Variants in F13B observed in about 807,000 individuals in gnomAD.
F13B encodes the protein coagulation factor XIII B chain, also known as TGase.
Under a neutral mutation model 79.8 loss-of-function variants are expected in F13B, and 58 were observed. The observed-to-expected ratio is 0.73, with a 90% CI of 0.59 to 0.90. F13B has a LOEUF of 0.90. Among genes scored for constraint, F13B ranks in the 40% least tolerant of loss-of-function variants. F13B has a pLI of 0.00. For missense variants in F13B, 773 were observed against 777.0 expected, an observed-to-expected ratio of 0.99 and a Z score of 0.06; for synonymous variants, 283 against 260.3, an observed-to-expected ratio of 1.09 and a Z score of -0.84.
intron 11 of F13B, 79 bp from the exon 12 acceptor site, chr1:197,039,490 T>A: frequency 1.8e-6 from 2 of 1,084,928 alleles, no homozygotes; most frequent in Non-Finnish European, 2.8e-6. Flanking sequence ...CCTTTCAATT[T>A]TTCATATAAT....
chr1:197,052,620 C>T lies in F13B; in HGVS notation c.1555+14G>A. 4 of 1,586,136 alleles carry T rather than the reference C, an allele frequency of 2.5e-6. No homozygotes were observed. Among genetic ancestry groups the T allele is most frequent in the Non-Finnish European group, 3.5e-6 (4 of 1,156,946 alleles). On this transcript the variant is annotated intron_variant, in intron 9 of 11. Coordinates refer to ENST00000367412, the MANE Select transcript of F13B (RefSeq NM_001994.3). ...GTCAAGTAAAGATACTTGCAGAGAACATTATTATTTTACCTTTTCTAGTAC... is the reference window on the plus strand; with the variant it reads ...GTCAAGTAAAGATACTTGCAGAGAATATTATTATTTTACCTTTTCTAGTAC...
chr1:197,040,994 G>T (rs528019290), intron 10 of F13B, among the ~76,000 whole-genome samples: 4 of 151,830 alleles, frequency 2.6e-5, no homozygotes, highest in African/African-American at 9.7e-5. Flanking sequence ...AAACTAAAAG[G>T]TATTTTAGTT....
At chr1:197,062,370 A>C (rs1258673321) in intron 2 of F13B, among the ~76,000 whole-genome samples, 1 of 152,146 alleles carries the variant, frequency 6.6e-6, no homozygotes, top group African/African-American at 2.4e-5. Context: ...CCTTCTCACA[A>C]CTTTGAACTC....
chr1:197,051,884 G>C (rs1655453568), intron 9 of F13B, among the ~76,000 whole-genome samples: 1 of 151,880 alleles, frequency 6.6e-6, no homozygotes, highest in Admixed American at 6.6e-5. Context: ...TTTTTTTCTT[G>C]TAAATTTGTG....
intron 4 of F13B, 33 bp from the exon 5 acceptor site, chr1:197,060,575 A>C (rs757309989): frequency 6.9e-7 from 1 of 1,449,828 alleles, no homozygotes; most frequent in Admixed American, 1.8e-5. Context: ...AATTACAAAC[A>C]AATGTTTATT....
In F13B at chr1:197,039,369, C is replaced by T; in HGVS notation, c.*9G>A. ...ATTGAAATATGACTCCTCTTTCTGCCATTCATTTCTATGTTCTTAAGGGTT... is the reference window on the plus strand; with the variant it reads ...ATTGAAATATGACTCCTCTTTCTGCTATTCATTTCTATGTTCTTAAGGGTT... On this transcript the variant is annotated 3_prime_UTR_variant, in exon 12 of 12. Coordinates refer to ENST00000367412, the MANE Select transcript of F13B (RefSeq NM_001994.3). The T allele has an allele frequency of 6.2e-7, 1 of 1,604,816 alleles. No homozygotes were observed. Among genetic ancestry groups the T allele is most frequent in the Non-Finnish European group, 8.5e-7 (1 of 1,173,110 alleles).
At chr1:197,046,248 T>C (rs1655225889) in intron 10 of F13B, among the ~76,000 whole-genome samples, 1 of 152,160 alleles carries the variant, frequency 6.6e-6, no homozygotes, top group Non-Finnish European at 1.5e-5. Flanking sequence ...GATAACATGA[T>C]TATATATTTA....
At chr1:197,048,823 CTT>C (rs17514362) in intron 10 of F13B, among the ~76,000 whole-genome samples, 116,193 of 151,646 alleles carry the variant, frequency 0.77, 48,567 homozygotes, top group East Asian at 0.98. Flanking sequence ...ACAAAGTTAA[CTT>C]TTTTCAAGTA....
At chr1:197,050,960 C>A (rs1016290442) in intron 9 of F13B, 81 bp from the exon 10 acceptor site, 63 of 1,186,204 alleles carry the variant, frequency 5.3e-5, no homozygotes, top group Non-Finnish European at 7.4e-5. Flanking sequence ...GAGACAGAGT[C>A]TCCCTCTGTC....
chr1:197,051,404 C>T (rs989239465), intron 9 of F13B, among the ~76,000 whole-genome samples: 8 of 152,042 alleles, frequency 5.3e-5, no homozygotes, highest in Non-Finnish European at 1.0e-4. Flanking sequence ...TTTCTAGAAG[C>T]CATGATTTCT....
At chr1:197,040,445 G>A (rs1357749702) in intron 11 of F13B, 77 bp downstream of exon 11, 2 of 1,008,352 alleles carry the variant, frequency 2.0e-6, no homozygotes, top group African/African-American at 1.6e-5. Flanking sequence ...GAGTGGTATA[G>A]AACATAACAT....
intron 8 of F13B, 46 bp from the exon 9 acceptor site, chr1:197,052,880 T>C (rs183791337): frequency 1.8e-5 from 26 of 1,464,270 alleles, no homozygotes; most frequent in Admixed American, 1.6e-4. Context: ...GTCTGACAAA[T>C]ATAAAAGTGA....
chr1:197,060,592 G>C, intron 4 of F13B, 50 bp from the exon 5 acceptor site: 1 of 1,348,700 alleles, frequency 7.4e-7, no homozygotes, highest in African/African-American at 1.5e-5. Context: ...TATTTTTTCT[G>C]CTACAACAAA....
At position 197,057,010 on chromosome 1, in the gene F13B, T is replaced by A; in HGVS notation, c.1171+3A>T. ...CTACTGATGGTAAATGTAGCATACA[T>A]ACCAACACACTCAGGAGGAAGTGTC... On this transcript the variant is annotated splice_donor_region_variant and intron_variant, in intron 7 of 11. Coordinates refer to ENST00000367412, the MANE Select transcript of F13B (RefSeq NM_001994.3). 6.2e-7 allele frequency: 1 copy of A among 1,613,276 alleles called. No homozygotes were observed. The highest frequency in any genetic ancestry group is 8.5e-7 in the Non-Finnish European group (1 of 1,179,744).
chr1:197,051,648 C>T (rs1274962543), intron 9 of F13B, among the ~76,000 whole-genome samples: 3 of 152,086 alleles, frequency 2.0e-5, no homozygotes, highest in Non-Finnish European at 2.9e-5. Context: ...GTCAGCATGG[C>T]CATCCTATAT....
rs1209798182 is a variant in F13B, at chr1:197,057,071, A to G, written c.1113T>C (p.His371=). Residue 371 remains histidine, a synonymous_variant, in exon 7 of 12, where the codon CAT becomes CAC. Coordinates refer to ENST00000367412, the MANE Select transcript of F13B (RefSeq NM_001994.3). The part of the protein sequence containing the change: ...TYACKSGYLL[H]GSNEITCNRG... ...GATTACAAGTTATCTCATTCGATCCATGGAGAAGGTAGCCGCTTTTACATG... is the reference window on the plus strand; with the variant it reads ...GATTACAAGTTATCTCATTCGATCCGTGGAGAAGGTAGCCGCTTTTACATG... The G allele has an allele frequency of 1.2e-6, 2 of 1,613,716 alleles. No homozygotes were observed. The highest frequency in any genetic ancestry group is 1.3e-5 in the African/African-American group (1 of 74,930).
At chr1:197,048,747 T>G (rs1571555893) in intron 10 of F13B, among the ~76,000 whole-genome samples, 1 of 152,114 alleles carries the variant, frequency 6.6e-6, no homozygotes, top group African/African-American at 2.4e-5. Context: ...CAGCTTTGGA[T>G]TAACTTAAAC....
intron 1 of F13B, among the ~76,000 whole-genome samples, chr1:197,066,898 A>G (rs1656071333): frequency 6.6e-6 from 1 of 152,134 alleles, no homozygotes; most frequent in African/African-American, 2.4e-5. Flanking sequence ...TTTTCGAAGT[A>G]TTTAGATCCT....
chr1:197,055,941 A>G, intron 7 of F13B, 44 bp from the exon 8 acceptor site: 2 of 1,456,578 alleles, frequency 1.4e-6, no homozygotes, highest in South Asian at 2.3e-5. Context: ...GCTCATAACA[A>G]TATACTATAG....
Sources: gnomAD v4.1 joint callset for allele counts (sites outside exome capture counted in the v4.1 genomes callset) on GRCh38, gnomAD v4.1.1 for gene constraint, MANE v1.5 for transcripts, NCBI Gene and HGNC (gene_info 2026-07-23, HGNC 2026-07-21) for gene names.